CCDC141: variants seen among roughly 807,000 people sequenced by gnomAD.
The protein encoded by CCDC141 is coiled-coil domain-containing protein 141.
In CCDC141, 168 loss-of-function variants were observed where a neutral mutation model predicts 181.0. That is an observed-to-expected ratio of 0.93 (90% CI 0.82 to 1.05). CCDC141 has a LOEUF of 1.05. Ranked by LOEUF, CCDC141 falls within the 50% of genes least tolerant of loss-of-function variation. The pLI is 0.00. For synonymous variants in CCDC141, 666 were observed against 642.3 expected (o/e 1.04, Z -0.56); for missense variants, 1,902 against 1,788.5 (o/e 1.06, Z -1.14).
chr2:178,992,996 A>T (rs751338424), intron 2 of CCDC141, among the ~76,000 whole-genome samples: 4 of 152,174 alleles, frequency 2.6e-5, no homozygotes, highest in Non-Finnish European at 4.4e-5. Context: ...GCCATGGTGA[A>T]CTGTGAGTCA....
chr2:178,830,941 G>A lies in CCDC141; in HGVS notation c.*3232C>T, dbSNP rs1167029093. 6.6e-6 allele frequency: 1 copy of A among 152,188 alleles called. No individual in the cohort carries two copies. Among genetic ancestry groups the A allele is most frequent in the Non-Finnish European group, 1.5e-5 (1 of 68,060 alleles). The allele number at this position is 152,188 out of a possible 1,614,324, so 9.4% of individuals were successfully genotyped here. A position where few individuals can be genotyped will look rare whatever the true frequency, so the allele number is the denominator to read the frequency against. On this transcript the variant is annotated 3_prime_UTR_variant, in exon 24 of 24. Coordinates refer to ENST00000443758, the MANE Select transcript of CCDC141 (RefSeq NM_173648.4). ...ACTTTACTAGGGGTTGGGGGTAATAGGAGGGGATCAAACCGAGGCCAGAGA... is the reference window on the plus strand; with the variant it reads ...ACTTTACTAGGGGTTGGGGGTAATAAGAGGGGATCAAACCGAGGCCAGAGA...
chr2:179,048,393 T>G (rs146940017), intron 1 of CCDC141, among the ~76,000 whole-genome samples: 2,102 of 152,214 alleles, frequency 0.014, 24 homozygotes, highest in Non-Finnish European at 0.023. Flanking sequence ...GGGAACATTC[T>G]TAGAAACACA....
At chr2:179,013,357 C>T (rs2042325688) in intron 2 of CCDC141, among the ~76,000 whole-genome samples, 1 of 152,120 alleles carries the variant, frequency 6.6e-6, no homozygotes, top group South Asian at 2.1e-4. Context: ...GAACTAAACC[C>T]CTTTTACAAT....
chr2:179,026,195 G>C (rs762925223), intron 2 of CCDC141, among the ~76,000 whole-genome samples: 1 of 152,182 alleles, frequency 6.6e-6, no homozygotes, highest in Non-Finnish European at 1.5e-5. Flanking sequence ...TGTCTCCAAG[G>C]CATATCAGAG....
At chr2:178,951,254 C>A (rs950948082) in intron 5 of CCDC141, among the ~76,000 whole-genome samples, 2 of 152,196 alleles carry the variant, frequency 1.3e-5, no homozygotes, top group Non-Finnish European at 2.9e-5. Flanking sequence ...CCTAAGTGAT[C>A]TTCAGCCAAT....
chr2:179,021,618 CAGT>C (rs2042694125), intron 2 of CCDC141, among the ~76,000 whole-genome samples: 1 of 152,092 alleles, frequency 6.6e-6, no homozygotes, highest in Non-Finnish European at 1.5e-5. Flanking sequence ...GTTCTGCCGT[CAGT>C]AGGAAATGTC....
intron 2 of CCDC141, among the ~76,000 whole-genome samples, chr2:178,988,373 G>C (rs370608115): frequency 1.3e-5 from 2 of 150,962 alleles, no homozygotes; most frequent in South Asian, 4.2e-4. Context: ...AATGCTAGAT[G>C]ACGAGTTAGT....
intron 8 of CCDC141, among the ~76,000 whole-genome samples, chr2:178,893,599 G>A (rs960890982): frequency 3.9e-5 from 6 of 152,110 alleles, no homozygotes; most frequent in African/African-American, 1.4e-4. Flanking sequence ...TCTTTTAATG[G>A]GAACCCGAAG....
At position 178,978,533 on chromosome 2, in the gene CCDC141, C is replaced by A; in HGVS notation, c.368G>T (p.Arg123Ile). The change falls in exon 3 of 24, where the codon AGA (arginine) becomes ATA (isoleucine). Residue 123 changes from arginine to isoleucine, a missense_variant. Transcript: ENST00000443758. ...WAALVSMLER[R>I]TELLRLTSEF... Reference sequence around the variant, plus strand: ...AGAAGTCAACCTAAGGAGCTCTGTTCTTCTTTCAAGCATGGACACCAGAGC... The same window carrying A: ...AGAAGTCAACCTAAGGAGCTCTGTTATTCTTTCAAGCATGGACACCAGAGC... The A allele has an allele frequency of 6.5e-7, 1 of 1,539,796 alleles. No individual in the cohort carries two copies. Among genetic ancestry groups the A allele is most frequent in the South Asian group, 1.2e-5 (1 of 82,292 alleles).
Position 178,833,920 on chromosome 2 carries a change from T to C in CCDC141, c.*253A>G. ...TAGAATAATTTTGCTGCATATTATG[T>C]TGAAAACATCTGTTTCTAGAGTACA... On this transcript the variant is annotated 3_prime_UTR_variant, in exon 24 of 24. Coordinates refer to ENST00000443758, the MANE Select transcript of CCDC141 (RefSeq NM_173648.4). The C allele has an allele frequency of 2.3e-6, 1 of 431,756 alleles. No individual in the cohort carries two copies. The highest frequency in any genetic ancestry group is 4.1e-6 in the Non-Finnish European group (1 of 241,508). 26.7% of individuals were successfully genotyped at this position (431,756 alleles called of 1,614,324 possible). A position where few individuals can be genotyped will look rare whatever the true frequency, so the allele number is the denominator to read the frequency against.
At chr2:178,911,761 G>T (rs972673810) in intron 7 of CCDC141, among the ~76,000 whole-genome samples, 2 of 152,146 alleles carry the variant, frequency 1.3e-5, no homozygotes, top group Non-Finnish European at 2.9e-5. Flanking sequence ...AGAAGATTAG[G>T]ACACAATCTC....
chr2:178,957,281 A>G (rs149317188), intron 5 of CCDC141, among the ~76,000 whole-genome samples: 8 of 152,340 alleles, frequency 5.3e-5, no homozygotes, highest in South Asian at 2.1e-4. Context: ...CATGTTTTGC[A>G]CTTATTTCAT....
At chr2:178,969,162 C>A (rs1412898589) in intron 4 of CCDC141, among the ~76,000 whole-genome samples, 8 of 137,660 alleles carry the variant, frequency 5.8e-5, no homozygotes, top group Non-Finnish European at 1.1e-4. Context: ...CAGCTGAATT[C>A]TACCAGAGGT....
intron 6 of CCDC141, among the ~76,000 whole-genome samples, chr2:178,940,084 T>A (rs1689446510): frequency 6.6e-6 from 1 of 152,142 alleles, no homozygotes; most frequent in Admixed American, 6.6e-5. Context: ...AAACCATTTA[T>A]GAAGAAGAAT....
chr2:178,866,291 C>T (rs1685847737), intron 16 of CCDC141, among the ~76,000 whole-genome samples: 1 of 152,232 alleles, frequency 6.6e-6, no homozygotes, highest in African/African-American at 2.4e-5. Context: ...GTTCATTATG[C>T]AAGTGCTCCA....
intron 5 of CCDC141, among the ~76,000 whole-genome samples, chr2:178,946,776 C>T (rs1187021276): frequency 6.6e-6 from 1 of 152,150 alleles, no homozygotes; most frequent in Non-Finnish European, 1.5e-5. Flanking sequence ...TTGGCATATA[C>T]TATTTCAACT....
rs897609501 is a variant in CCDC141, at chr2:178,886,808, G to A, written c.1471C>T (p.Arg491Cys). 13 of 1,476,720 alleles carry A rather than the reference G, an allele frequency of 8.8e-6. No homozygotes were observed. Among genetic ancestry groups the A allele is most frequent in the African/African-American group, 7.3e-5 (5 of 68,756 alleles). 91.5% of individuals were successfully genotyped at this position (1,476,720 alleles called of 1,614,324 possible). ...TTCAAAATCTTCTCTGATTCAGAAC[G>A]GGTAGAACCAACATCCATTGCATTA... is the stretch of plus-strand genomic sequence containing the variant. ...LSNAMDVGST[R>C]SESEKILNKY... The change falls in exon 10 of 24, where the codon CGT becomes TGT. Residue 491 changes from arginine to cysteine, a missense_variant. Physicochemically the swap from Arg to Cys is radical, Grantham distance 180. Transcript: ENST00000443758.
intron 23 of CCDC141, 98 bp from the exon 24 acceptor site, chr2:178,834,538 A>G (rs1372939740): frequency 3.1e-6 from 4 of 1,305,516 alleles, no homozygotes; most frequent in Non-Finnish European, 3.1e-6. Context: ...TACCACTGCA[A>G]TATTCTCTTA....
chr2:178,845,660 T>C lies in CCDC141; in HGVS notation c.3440A>G (p.Asn1147Ser). Residue 1147 changes from asparagine (N) to serine (S), a missense_variant, in exon 22 of 24, where the codon AAT becomes AGT. Asn to Ser is a conservative substitution (Grantham distance 46, BLOSUM62 1). Coordinates refer to ENST00000443758, the MANE Select transcript of CCDC141 (RefSeq NM_173648.4). ...TTCTTCATTGAATATTGTCTGCTTATTTTTTGCTGGTTCCTTTAGCAAGTC... is the reference window on the plus strand; with the variant it reads ...TTCTTCATTGAATATTGTCTGCTTACTTTTTGCTGGTTCCTTTAGCAAGTC... ...YIDLLKEPAKNKQTIFNEERN... is the reference protein window; with the variant it reads ...YIDLLKEPAKSKQTIFNEERN... 2 of 1,609,912 alleles carry C rather than the reference T, an allele frequency of 1.2e-6. No homozygotes were observed. The highest frequency in any genetic ancestry group is 1.3e-5 in the African/African-American group (1 of 74,962).
Sources: allele counts gnomAD v4.1 joint callset (sites outside exome capture counted in the v4.1 genomes callset), GRCh38; gene constraint gnomAD v4.1.1; transcripts MANE v1.5; gene names NCBI Gene and HGNC (gene_info 2026-07-23, HGNC 2026-07-21).